Variants in ZNF626 observed in about 807,000 individuals in gnomAD.
ZNF626 encodes the protein CTC-513N18.7.
ZNF626 carries 4 observed loss-of-function variants against 11.7 expected under a neutral mutation model. The ratio of observed to expected loss-of-function variants is 0.34; its 90% confidence interval spans 0.17 to 0.78. The LOEUF is 0.78. Ranked by LOEUF, ZNF626 falls within the 30% of genes least tolerant of loss-of-function variation. ZNF626 has a pLI of 0.57. For synonymous variants in ZNF626, 179 were observed against 198.6 expected (o/e 0.90, Z 0.83); for missense variants, 588 against 587.1 (o/e 1.00, Z -0.01).
chr19:20,632,954 T>C (rs1312757652), intron 3 of ZNF626, among the ~76,000 whole-genome samples: 1 of 152,292 alleles, frequency 6.6e-6, no homozygotes, highest in Middle Eastern at 3.4e-3. Context: ...GATGTACAGA[T>C]GGGTTTTTGG....
In ZNF626 at chr19:20,641,058, C is replaced by A. The variant is rs1469021159; in HGVS notation, c.226+4626G>T. Among the ~76,000 whole-genome samples, 4 of 151,260 alleles carry A rather than the reference C, an allele frequency of 2.6e-5. No homozygotes were observed. In the East Asian group the frequency reaches 7.8e-4, roughly 29 times the overall value. On this transcript the variant is annotated intron_variant, in intron 3 of 3. Transcript: ENST00000601440. ...GGCTGAAGCAGGAGAATCGCTTGAA[C>A]CCAGAAGGCAGAGATTGCAGTTAGA...
At chr19:20,660,624 A>G (rs1039066985) in intron 1 of ZNF626, among the ~76,000 whole-genome samples, 2 of 152,098 alleles carry the variant, frequency 1.3e-5, no homozygotes, top group Non-Finnish European at 2.9e-5. Context: ...GGGTTTCACC[A>G]CGTTGGCCAG....
In ZNF626 at chr19:20,623,712, T is replaced by C. The variant is rs1969783136; in HGVS notation, c.*578A>G. ...TACTTGGGAGGTTGAGGCAGGAGAA[T>C]GGATTGAACCCAGAAGGCGGAGGTT... On this transcript the variant is annotated 3_prime_UTR_variant, in exon 4 of 4. Transcript: ENST00000601440. The C allele has an allele frequency of 1.5e-5, 3 of 203,866 alleles. No individual in the cohort carries two copies. Among genetic ancestry groups the C allele is most frequent in the South Asian group, 1.5e-4 (2 of 13,200 alleles). 12.6% of individuals were successfully genotyped at this position (203,866 alleles called of 1,614,324 possible).
Position 20,624,320 on chromosome 19 carries a change from G to A in ZNF626, c.1557C>T (p.Ser519=), listed in dbSNP as rs367783480. 83 of 1,613,630 alleles carry A rather than the reference G, an allele frequency of 5.1e-5. No homozygotes were observed. Among genetic ancestry groups the A allele is most frequent in the Non-Finnish European group, 5.8e-5 (68 of 1,179,918 alleles). ...TNVKNVAKPS[S]GPHTLLHIR ...TTATGTGTAGTAAGGTGTGAGGACC[G>A]CTTGAAGGCTTTGCCACATTCTTCA... is the stretch of plus-strand genomic sequence containing the variant. The change falls in exon 4 of 4, where the codon AGC becomes AGT. Residue 519 remains serine (S), a synonymous_variant. Coordinates refer to ENST00000601440, the MANE Select transcript of ZNF626 (RefSeq NM_001076675.3).
chr19:20,650,659 G>A (rs1555772502), intron 1 of ZNF626, among the ~76,000 whole-genome samples: 1 of 152,120 alleles, frequency 6.6e-6, no homozygotes, highest in Non-Finnish European at 1.5e-5. Flanking sequence ...ACTGGGTCAG[G>A]AAGTGGACCC....
rs1420701531 is a variant in ZNF626 at position 20,624,821 on chromosome 19, G to A, written c.1056C>T (p.Tyr352=). The part of the protein sequence containing the change: ...KCEECGKAFK[Y]SSTLTTHKRI... Reference sequence around the variant, plus strand: ...TCTTATGTGTAGTAAGGGTAGAGGAGTACTTAAAGGCTTTGCCACATTCTT... The same window carrying A: ...TCTTATGTGTAGTAAGGGTAGAGGAATACTTAAAGGCTTTGCCACATTCTT... Residue 352 remains tyrosine, a synonymous_variant, in exon 4 of 4, where the codon TAC becomes TAT. Coordinates refer to ENST00000601440, the MANE Select transcript of ZNF626 (RefSeq NM_001076675.3). 3 of 1,611,712 alleles carry A rather than the reference G, an allele frequency of 1.9e-6. No homozygotes were observed. In the African/African-American group the frequency reaches 4.0e-5, roughly 22 times the overall value.
At chr19:20,648,556 T>C (rs1192717353) in intron 1 of ZNF626, among the ~76,000 whole-genome samples, 8 of 149,882 alleles carry the variant, frequency 5.3e-5, no homozygotes, top group Non-Finnish European at 8.9e-5. Flanking sequence ...TTTTGTATTT[T>C]AGTAGAGACA....
Position 20,646,425 on chromosome 19 carries a change from ACATT to A in ZNF626, c.4-24_4-21del. 6.2e-7 allele frequency: 1 copy of A among 1,613,680 alleles called. No homozygotes were observed. Among genetic ancestry groups the A allele is most frequent in the Non-Finnish European group, 8.5e-7 (1 of 1,179,810 alleles). ...TGGTCCCTGAAAAACACACACACAC[ACATT>A]TTTACCAAGTGGCCATGGGCGGAAT... On this transcript the variant is annotated intron_variant, in intron 1 of 3. Coordinates refer to ENST00000601440, the MANE Select transcript of ZNF626 (RefSeq NM_001076675.3).
rs1555769082 is a variant in ZNF626 at position 20,624,076 on chromosome 19, G to C, written c.*214C>G. The C allele has an allele frequency of 1.2e-6, 1 of 850,874 alleles. No homozygotes were observed. The highest frequency in any genetic ancestry group is 2.2e-4 in the Middle Eastern group (1 of 4,490). The allele number at this position is 850,874 out of a possible 1,614,324, so 52.7% of individuals were successfully genotyped here. A position where few individuals can be genotyped will look rare whatever the true frequency, so the allele number is the denominator to read the frequency against. On this transcript the variant is annotated 3_prime_UTR_variant, in exon 4 of 4. Transcript: ENST00000601440. ...AGTAAGGTGTGAGGATAGGTGAAAAGCTTTACCACATTATTCACATCTGTA... is the reference window on the plus strand; with the variant it reads ...AGTAAGGTGTGAGGATAGGTGAAAACCTTTACCACATTATTCACATCTGTA...
chr19:20,640,918 A>C (rs1336217141), intron 3 of ZNF626, among the ~76,000 whole-genome samples: 1 of 152,062 alleles, frequency 6.6e-6, no homozygotes. Context: ...AGGCCAAGGT[A>C]GGGGCAGATC....
rs139663827 is a variant in ZNF626 at position 20,640,786 on chromosome 19, A to G, written c.226+4898T>C. Reference sequence around the variant, plus strand: ...TGAAACCTAAGTTGAATGTTGGTGGATAACAAAGGTGCAGTCATTATTTTA... The same window carrying G: ...TGAAACCTAAGTTGAATGTTGGTGGGTAACAAAGGTGCAGTCATTATTTTA... On this transcript the variant is annotated intron_variant, in intron 3 of 3. Transcript: ENST00000601440. Among the ~76,000 whole-genome samples, 284 of 152,250 alleles carry G rather than the reference A, an allele frequency of 1.9e-3. 5 individuals are homozygous for G. In the East Asian group the frequency reaches 0.051, roughly 27 times the overall value.
At chr19:20,645,832 A>C (rs782795207) in intron 2 of ZNF626, 53 bp from the exon 3 acceptor site, 45 of 1,417,902 alleles carry the variant, frequency 3.2e-5, no homozygotes, top group Non-Finnish European at 4.2e-5. Flanking sequence ...TCCAATTACA[A>C]GCTAGTAATG....
intron 1 of ZNF626, among the ~76,000 whole-genome samples, chr19:20,658,140 G>C (rs1970225388): frequency 6.6e-6 from 1 of 152,150 alleles, no homozygotes; most frequent in Admixed American, 6.5e-5. Flanking sequence ...GCGTGGGAGA[G>C]AGTGCAATGT....
chr19:20,624,821 G>T lies in ZNF626; in HGVS notation c.1056C>A (p.Tyr352Ter). The T allele has an allele frequency of 6.2e-7, 1 of 1,611,832 alleles. No homozygotes were observed. The highest frequency in any genetic ancestry group is 8.5e-7 in the Non-Finnish European group (1 of 1,179,404). ...KCEECGKAFK[Y>*]SSTLTTHKRI... is the part of the protein sequence containing the mutation. ...TCTTATGTGTAGTAAGGGTAGAGGAGTACTTAAAGGCTTTGCCACATTCTT... is the reference window on the plus strand; with the variant it reads ...TCTTATGTGTAGTAAGGGTAGAGGATTACTTAAAGGCTTTGCCACATTCTT... The change falls in exon 4 of 4, where the codon TAC (tyrosine) becomes TAA (stop). Residue 352 changes from tyrosine (Y) to a stop codon, truncating the protein, a stop_gained. Coordinates refer to ENST00000601440, the MANE Select transcript of ZNF626 (RefSeq NM_001076675.3). LOFTEE classifies it low-confidence loss of function (END_TRUNC).
rs546848115 is a variant in ZNF626, at chr19:20,622,225, T to A, written c.*2065A>T. Reference sequence around the variant, plus strand: ...GTTAAGTAAGTAAATAAAATATAAGTTAAGTTCACACATCATCTAACAATT... The same window carrying A: ...GTTAAGTAAGTAAATAAAATATAAGATAAGTTCACACATCATCTAACAATT... On this transcript the variant is annotated 3_prime_UTR_variant, in exon 4 of 4. Coordinates refer to ENST00000601440, the MANE Select transcript of ZNF626 (RefSeq NM_001076675.3). 2.0e-4 allele frequency: 30 copies of A among 152,288 alleles called. No homozygotes were observed. The highest frequency in any genetic ancestry group is 6.0e-4 in the African/African-American group (25 of 41,580). 9.4% of individuals were successfully genotyped at this position (152,288 alleles called of 1,614,324 possible). A position where few individuals can be genotyped will look rare whatever the true frequency, so the allele number is the denominator to read the frequency against.
chr19:20,640,224 T>A (rs565087076), intron 3 of ZNF626, among the ~76,000 whole-genome samples: 79 of 57,484 alleles, frequency 1.4e-3, no homozygotes, highest in African/African-American at 7.9e-3. Flanking sequence ...AATTCAATTA[T>A]TTAAATAATT....
chr19:20,629,980 T>C (rs1157940963), intron 3 of ZNF626, among the ~76,000 whole-genome samples: 1 of 152,234 alleles, frequency 6.6e-6, no homozygotes, highest in African/African-American at 2.4e-5. Flanking sequence ...TGAGAGTTTT[T>C]AGTATGAAGT....
chr19:20,646,194 C>G (rs1970075085), intron 2 of ZNF626, 85 bp downstream of exon 2: 1 of 1,394,020 alleles, frequency 7.2e-7, no homozygotes, highest in East Asian at 2.7e-5. Context: ...CTCTTTTATG[C>G]AAAGAATAAA....
chr19:20,631,733 T>C (rs530702950), intron 3 of ZNF626, among the ~76,000 whole-genome samples: 2 of 151,490 alleles, frequency 1.3e-5, no homozygotes, highest in Admixed American at 6.6e-5. Flanking sequence ...GGGTCTTGAC[T>C]CTTTATCCAA....
Sources: allele counts gnomAD v4.1 joint callset (sites outside exome capture counted in the v4.1 genomes callset), GRCh38; gene constraint gnomAD v4.1.1; transcripts MANE v1.5; gene names NCBI Gene and HGNC (gene_info 2026-07-23, HGNC 2026-07-21).